The following ADAP1 variants were observed in gnomAD, a reference collection of about 807,000 sequenced individuals.
ADAP1 encodes ArfGAP with dual PH domains 1.
ADAP1 carries 31 observed loss-of-function variants against 54.9 expected under a neutral mutation model. The ratio of observed to expected loss-of-function variants is 0.56; its 90% confidence interval spans 0.42 to 0.76. The LOEUF (loss-of-function observed/expected upper bound fraction) is 0.76, where lower values mean the gene tolerates loss of function less well. ADAP1 is among the 30% of genes least tolerant of loss of function. ADAP1 has a pLI of 0.00. For synonymous variants in ADAP1, 313 were observed against 202.6 expected (o/e 1.55, Z -4.63); for missense variants, 535 against 512.4 (o/e 1.04, Z -0.42).
chr7:917,801 C>T (rs557277737), intron 4 of ADAP1, among the ~76,000 whole-genome samples: 105 of 151,582 alleles, frequency 6.9e-4, no homozygotes, highest in Middle Eastern at 3.4e-3. Flanking sequence ...GACACACTCT[C>T]GCTCTGACGT....
intron 4 of ADAP1, among the ~76,000 whole-genome samples, chr7:911,603 G>T (rs557695239): frequency 0.026 from 2,882 of 112,830 alleles, 311 homozygotes; most frequent in African/African-American, 0.1. Context: ...AAGGGGGCGG[G>T]GGTCCCACGG....
chr7:949,358 T>C (rs1847215440), intron 1 of ADAP1, among the ~76,000 whole-genome samples: 1 of 152,224 alleles, frequency 6.6e-6, no homozygotes, highest in Non-Finnish European at 1.5e-5. Flanking sequence ...ATTTGCAAAA[T>C]GGGGCCATGC....
chr7:935,213 G>A (rs1016780223), intron 2 of ADAP1, 162 bp downstream of exon 2: 4 of 997,926 alleles, frequency 4.0e-6, no homozygotes, highest in African/African-American at 3.2e-5. Context: ...AGGCGGAGCC[G>A]CTGGAGAGGG....
chr7:947,150 C>T (rs1372819114), intron 1 of ADAP1, among the ~76,000 whole-genome samples: 1 of 151,788 alleles, frequency 6.6e-6, no homozygotes, highest in Non-Finnish European at 1.5e-5. Flanking sequence ...GGTAATCCTC[C>T]CACCTCAGCT....
Position 898,522 on chromosome 7 carries a change from G to C in ADAP1, c.*399C>G, listed in dbSNP as rs566941021. 6 of 288,524 alleles carry C rather than the reference G, an allele frequency of 2.1e-5. No homozygotes were observed. Among genetic ancestry groups the C allele is most frequent in the South Asian group, 4.0e-5 (1 of 25,000 alleles). 17.9% of individuals were successfully genotyped at this position (288,524 alleles called of 1,614,324 possible). A position where few individuals can be genotyped will look rare whatever the true frequency, so the allele number is the denominator to read the frequency against. On this transcript the variant is annotated 3_prime_UTR_variant, in exon 11 of 11. Transcript: ENST00000265846. ...GAGCAGGGCCCAGTCCCCAGCGGCCGGCAGCTGCCCACCGTGCTGGCCCCA... is the reference window on the plus strand; with the variant it reads ...GAGCAGGGCCCAGTCCCCAGCGGCCCGCAGCTGCCCACCGTGCTGGCCCCA...
intron 1 of ADAP1, among the ~76,000 whole-genome samples, 172 bp from the exon 2 acceptor site, chr7:935,677 C>A (rs553740438): frequency 6.6e-6 from 1 of 151,628 alleles, no homozygotes; most frequent in Non-Finnish European, 1.5e-5. Flanking sequence ...CAGCTCCCCC[C>A]CCGCCCTCTG....
chr7:934,859 G>T (rs1846698751), intron 2 of ADAP1, among the ~76,000 whole-genome samples: 1 of 152,204 alleles, frequency 6.6e-6, no homozygotes, highest in Admixed American at 6.5e-5. Flanking sequence ...TCAGATGCAT[G>T]GGTGAGAGGT....
At chr7:930,326 G>A (rs1169437110) in intron 2 of ADAP1, among the ~76,000 whole-genome samples, 1 of 149,118 alleles carries the variant, frequency 6.7e-6, no homozygotes, top group East Asian at 2.0e-4. Flanking sequence ...CCTAGAAGAT[G>A]AAAACAGCTA....
chr7:905,282 GGACGGGGGAC>G, intron 4 of ADAP1, 110 bp from the exon 5 acceptor site: 22 of 386,518 alleles, frequency 5.7e-5, no homozygotes, highest in Non-Finnish European at 7.8e-5. Context: ...CGGGGGACAC[GGACGGGGGAC>G]ACGGACAGGG....
chr7:899,332 G>C, intron 9 of ADAP1, 71 bp from the exon 10 acceptor site: 5 of 1,604,106 alleles, frequency 3.1e-6, no homozygotes, highest in Non-Finnish European at 4.3e-6. Context: ...GCCAGGACTC[G>C]GGAGGCCACC....
At chr7:901,181 G>C in intron 6 of ADAP1, 1 of 368,104 alleles carries the variant, frequency 2.7e-6, no homozygotes, top group East Asian at 7.4e-5. Context: ...CCCTGGAACA[G>C]AGGGCCCATA....
Position 906,797 on chromosome 7 carries a change from A to G in ADAP1, c.389-1625T>C, listed in dbSNP as rs146094786. Among the ~76,000 whole-genome samples, 90 of 37,336 alleles carry G rather than the reference A, an allele frequency of 2.4e-3. 2 individuals carry two copies. The Middle Eastern group carries it at 0.057, about 24-fold the overall frequency. 24.5% of individuals were successfully genotyped at this position (37,336 alleles called of 152,430 possible). A position where few individuals can be genotyped will look rare whatever the true frequency, so the allele number is the denominator to read the frequency against. ...GGACAGGGGACACGGGGGACGGGAC[A>G]GGGGACATGGGGGGACATGGGTCAG... is the stretch of plus-strand genomic sequence containing the variant. On this transcript the variant is annotated intron_variant, in intron 4 of 10. Transcript: ENST00000265846.
chr7:905,576 A>AAAGGAG (rs1444248155), intron 4 of ADAP1: 4 of 110,354 alleles, frequency 3.6e-5, no homozygotes, highest in Non-Finnish European at 4.0e-5. Flanking sequence ...GAGAAAGGAG[A>AAAGGAG]AAGGAGAAAG....
intron 2 of ADAP1, among the ~76,000 whole-genome samples, chr7:930,545 G>T (rs547854363): frequency 6.6e-6 from 1 of 151,390 alleles, no homozygotes; most frequent in Non-Finnish European, 1.5e-5. Context: ...CAGGGCTGGC[G>T]CGGTGGCTCA....
At chr7:906,768 T>C (rs546171064) in intron 4 of ADAP1, among the ~76,000 whole-genome samples, 3,132 of 24,412 alleles carry the variant, frequency 0.13, 282 homozygotes, top group African/African-American at 0.23. Flanking sequence ...ACAGGGGACA[T>C]GGGGGACAGG....
chr7:906,706 GGACGGGA>G (rs1845428055), intron 4 of ADAP1, among the ~76,000 whole-genome samples: 1 of 31,142 alleles, frequency 3.2e-5, no homozygotes, highest in Non-Finnish European at 6.0e-5. Flanking sequence ...TGGACATGGG[GGACGGGA>G]CATCGGGGAC....
intron 4 of ADAP1, among the ~76,000 whole-genome samples, chr7:919,631 AGAGT>A (rs1261480235): frequency 3.8e-5 from 5 of 132,814 alleles, no homozygotes; most frequent in Admixed American, 3.2e-4. Context: ...ACATGAAGAG[AGAGT>A]AAGAGAAACA....
At position 927,348 on chromosome 7, in the gene ADAP1, G is replaced by T; in HGVS notation, c.214-704C>A. ...GAGGGTGGACGCTGGCAATGACCCT[G>T]CCGCCAGCCAGGTATGGTGAGCCTT... On this transcript the variant is annotated intron_variant, in intron 2 of 10. Coordinates refer to ENST00000265846, the MANE Select transcript of ADAP1 (RefSeq NM_006869.4). 9.5e-6 allele frequency: 8 copies of T among 838,530 alleles called. No individual in the cohort carries two copies. In the South Asian group the frequency reaches 1.3e-4, roughly 13 times the overall value. The allele number at this position is 838,530 out of a possible 1,614,324, so 51.9% of individuals were successfully genotyped here. A position where few individuals can be genotyped will look rare whatever the true frequency, so the allele number is the denominator to read the frequency against.
chr7:929,964 C>T (rs751814913), intron 2 of ADAP1, among the ~76,000 whole-genome samples: 29 of 151,726 alleles, frequency 1.9e-4, no homozygotes, highest in East Asian at 3.9e-4. Context: ...ATTAGCCAGG[C>T]GTGGTGGTGC....
Sources: gnomAD v4.1 joint callset for allele counts (sites outside exome capture counted in the v4.1 genomes callset) on GRCh38, gnomAD v4.1.1 for gene constraint, MANE v1.5 for transcripts, NCBI Gene and HGNC (gene_info 2026-07-23, HGNC 2026-07-21) for gene names.